The following PCDH15 variants were observed in gnomAD, a reference collection of about 807,000 sequenced individuals.
PCDH15 encodes protocadherin related 15.
Under a neutral mutation model 178.5 loss-of-function variants are expected in PCDH15, and 129 were observed. The ratio of observed to expected loss-of-function variants is 0.72; its 90% confidence interval spans 0.63 to 0.84. The LOEUF is 0.84. Among genes scored for constraint, PCDH15 ranks in the 40% least tolerant of loss-of-function variants. The probability of loss-of-function intolerance (pLI) is 0.00; values close to 1 mark genes in which losing one functional copy is unlikely to be tolerated. For synonymous variants in PCDH15, 800 were observed against 732.0 expected (o/e 1.09, Z -1.50); for missense variants, 2,230 against 2,099.9 (o/e 1.06, Z -1.21).
intron 2 of PCDH15, among the ~76,000 whole-genome samples, chr10:55,067,510 T>G (rs1314488287): frequency 6.6e-6 from 1 of 152,134 alleles, no homozygotes; most frequent in Non-Finnish European, 1.5e-5. Context: ...TTCCATATCT[T>G]TGTTATTGTG....
At chr10:53,995,027 T>C (rs1357550603) in intron 21 of PCDH15, 2 of 151,928 alleles carry the variant, frequency 1.3e-5, no homozygotes, top group East Asian at 1.9e-4. Flanking sequence ...AGGATAATAA[T>C]TAATATTTAT....
At chr10:54,172,523 G>A (rs2047023499) in intron 13 of PCDH15, among the ~76,000 whole-genome samples, 1 of 152,030 alleles carries the variant, frequency 6.6e-6, no homozygotes, top group South Asian at 2.1e-4. Context: ...TTTACTACCA[G>A]TGAAAGCTGA....
intron 2 of PCDH15, among the ~76,000 whole-genome samples, chr10:55,359,284 A>G (rs1436956444): frequency 6.6e-6 from 1 of 152,030 alleles, no homozygotes; most frequent in Non-Finnish European, 1.5e-5. Context: ...TATCCATTAC[A>G]TATTTGAGTT....
chr10:55,163,541 T>G (rs1839116341), intron 2 of PCDH15, among the ~76,000 whole-genome samples: 2 of 152,072 alleles, frequency 1.3e-5, no homozygotes. Flanking sequence ...TTAGACCTTC[T>G]CAGTCACAGG....
intron 2 of PCDH15, among the ~76,000 whole-genome samples, chr10:55,626,178 T>TAAATAAATAAATAAATAAATAAATA (rs1554807544): frequency 6.0e-5 from 9 of 151,204 alleles, no homozygotes; most frequent in African/African-American, 2.2e-4. Context: ...AATAAATAAA[T>TAAATAAATAAATAAATAAATAAATA]AAATAAAATA....
At chr10:55,172,142 A>T (rs1839352257) in intron 1 of PCDH15, among the ~76,000 whole-genome samples, 1 of 151,978 alleles carries the variant, frequency 6.6e-6, no homozygotes, top group South Asian at 2.1e-4. Context: ...CATAAATAAT[A>T]TAAAATATAA....
At chr10:55,377,375 A>C (rs1010903527) in intron 2 of PCDH15, among the ~76,000 whole-genome samples, 1 of 151,930 alleles carries the variant, frequency 6.6e-6, no homozygotes, top group African/African-American at 2.4e-5. Flanking sequence ...TATCTTATTA[A>C]AATAAATTAT....
intron 1 of PCDH15, among the ~76,000 whole-genome samples, chr10:54,695,947 G>A (rs1385652359): frequency 6.6e-6 from 1 of 152,018 alleles, no homozygotes. Flanking sequence ...TGATGGAGAT[G>A]TACAGGGAGA....
At chr10:54,176,531 C>T (rs2047459119) in intron 13 of PCDH15, among the ~76,000 whole-genome samples, 1 of 152,068 alleles carries the variant, frequency 6.6e-6, no homozygotes, top group South Asian at 2.1e-4. Flanking sequence ...TAAAACAAAA[C>T]CCTATATATT....
At chr10:55,530,666 T>C (rs1218852815) in intron 2 of PCDH15, among the ~76,000 whole-genome samples, 2 of 152,040 alleles carry the variant, frequency 1.3e-5, no homozygotes, top group East Asian at 1.9e-4. Context: ...ATGATAAATA[T>C]AAACATCATT....
rs1284989809 is a variant in PCDH15 at position 53,876,483 on chromosome 10, G to A, written c.3502-9626C>T. ...TTACAGGCATGAGCCACCGCGCCCG[G>A]CCAACTCTTGTATTTTTAGAAACCA... On this transcript the variant is annotated intron_variant, in intron 26 of 37. Coordinates refer to ENST00000644397, the MANE Select transcript of PCDH15 (RefSeq NM_001384140.1). Among the ~76,000 whole-genome samples the A allele has an allele frequency of 2.6e-5, 4 of 152,150 alleles. No individual in the cohort carries two copies. In the East Asian group the frequency reaches 7.7e-4, roughly 29 times the overall value.
At chr10:54,917,519 C>A (rs1837368311) in intron 2 of PCDH15, among the ~76,000 whole-genome samples, 1 of 152,132 alleles carries the variant, frequency 6.6e-6, no homozygotes, top group Non-Finnish European at 1.5e-5. Context: ...TCATTTATTG[C>A]CTGTGCTATG....
chr10:55,514,370 G>A (rs1354841837), intron 2 of PCDH15, among the ~76,000 whole-genome samples: 4 of 152,046 alleles, frequency 2.6e-5, no homozygotes, highest in African/African-American at 7.2e-5. Context: ...GTATTGTAGA[G>A]GTCAAGAAAA....
chr10:53,817,616 G>A (rs749791979), intron 34 of PCDH15, among the ~76,000 whole-genome samples: 22 of 147,638 alleles, frequency 1.5e-4, no homozygotes, highest in Non-Finnish European at 2.4e-4. Context: ...CCGCCTTGCC[G>A]GTTCAAGCAA....
intron 2 of PCDH15, chr10:54,600,288 G>T: frequency 1.8e-6 from 1 of 547,862 alleles, no homozygotes; most frequent in East Asian, 4.5e-5. Context: ...GGAATGAGAA[G>T]GAAGGGAGTG....
intron 2 of PCDH15, chr10:54,654,891 T>A (rs533196420): frequency 5.7e-4 from 87 of 152,272 alleles, no homozygotes; most frequent in African/African-American, 1.9e-3. Flanking sequence ...GACCTTTTCT[T>A]TCTTTTCCCT....
chr10:55,088,947 C>A (rs1357734180), intron 2 of PCDH15, among the ~76,000 whole-genome samples: 1 of 151,872 alleles, frequency 6.6e-6, no homozygotes, highest in East Asian at 1.9e-4. Context: ...TATGCAGGGC[C>A]CAAAGCATTT....
chr10:55,216,995 A>C (rs188439356), intron 1 of PCDH15, among the ~76,000 whole-genome samples: 1 of 152,064 alleles, frequency 6.6e-6, no homozygotes, highest in East Asian at 1.9e-4. Flanking sequence ...TCATGTTTGC[A>C]TACAGTTTGG....
chr10:54,188,243 T>A (rs2048652610), intron 11 of PCDH15, among the ~76,000 whole-genome samples: 2 of 151,880 alleles, frequency 1.3e-5, no homozygotes, highest in Non-Finnish European at 3.0e-5. Flanking sequence ...TATATTTGAA[T>A]TTTGCAATTC....
Sources: allele counts gnomAD v4.1 joint callset (sites outside exome capture counted in the v4.1 genomes callset), GRCh38; gene constraint gnomAD v4.1.1; transcripts MANE v1.5; gene names NCBI Gene and HGNC (gene_info 2026-07-23, HGNC 2026-07-21).